Variants in NLRP4 observed in about 807,000 individuals in gnomAD.
The protein encoded by NLRP4 is NLR family pyrin domain containing 4.
A neutral mutation model predicts 84.7 loss-of-function variants in NLRP4; 44 were observed. The ratio of observed to expected loss-of-function variants is 0.52; its 90% confidence interval spans 0.41 to 0.67. The LOEUF (loss-of-function observed/expected upper bound fraction) is 0.67. Among genes scored for constraint, NLRP4 ranks in the 30% least tolerant of loss-of-function variants. NLRP4 has a pLI of 0.00. For synonymous variants in NLRP4, 544 were observed against 476.4 expected (o/e 1.14, Z -1.85); for missense variants, 1,260 against 1,219.4 (o/e 1.03, Z -0.50).
At chr19:55,873,976 T>G (rs745786002) in intron 7 of NLRP4, among the ~76,000 whole-genome samples, 46 of 152,092 alleles carry the variant, frequency 3.0e-4, no homozygotes, top group Non-Finnish European at 6.2e-4. Flanking sequence ...TAAGGATTTT[T>G]TTAATGGTAA....
chr19:55,867,621 T>C (rs1482558260), intron 5 of NLRP4, 88 bp from the exon 6 acceptor site: 9 of 1,213,166 alleles, frequency 7.4e-6, no homozygotes, highest in Non-Finnish European at 9.5e-6. Context: ...ACAGCAAATG[T>C]GGGCTTCCCG....
At position 55,858,505 on chromosome 19, in the gene NLRP4, T is replaced by C; in HGVS notation, c.1112T>C (p.Val371Ala). 6.2e-7 allele frequency: 1 copy of C among 1,614,144 alleles called. No individual in the cohort carries two copies. The highest frequency in any genetic ancestry group is 8.5e-7 in the Non-Finnish European group (1 of 1,180,030). ...LALTCQSTTS[V>A]YSSFVFNLFT... ...CTGACCTGCCAGAGCACTACCTCTG[T>C]GTACTCCTCTTTCGTCTTTAACCTG... The change falls in exon 3 of 10, where the codon GTG (valine) becomes GCG (alanine). Residue 371 changes from valine (V) to alanine (A), a missense_variant. By Grantham distance (64) the Val-to-Ala change is moderately conservative. Transcript: ENST00000301295. The surrounding 1 kb of genome is among the most constrained non-coding windows in gnomAD (Gnocchi z 4.2).
At chr19:55,847,303 T>C (rs73622427) in intron 1 of NLRP4, among the ~76,000 whole-genome samples, 1,861 of 152,298 alleles carry the variant, frequency 0.012, 35 homozygotes, top group African/African-American at 0.042. Flanking sequence ...ACTTTGCTAC[T>C]GTTGGCTTTT....
chr19:55,867,359 T>C (rs1984998170), intron 5 of NLRP4, among the ~76,000 whole-genome samples: 1 of 143,300 alleles, frequency 7.0e-6, no homozygotes, highest in African/African-American at 2.6e-5. Flanking sequence ...CCCTAGAGAC[T>C]GTAAGCCAAG....
intron 7 of NLRP4, among the ~76,000 whole-genome samples, chr19:55,873,027 G>T (rs1338261871): frequency 1.3e-5 from 2 of 152,122 alleles, no homozygotes; most frequent in Non-Finnish European, 1.5e-5. Context: ...AGACGGGAGG[G>T]TGGATTGTCA....
intron 5 of NLRP4, among the ~76,000 whole-genome samples, chr19:55,866,787 G>A (rs1311909328): frequency 6.6e-6 from 1 of 152,198 alleles, no homozygotes; most frequent in Non-Finnish European, 1.5e-5. Flanking sequence ...ACACGAGTTT[G>A]GGGAGGATCA....
At chr19:55,875,333 T>C (rs1435371823) in intron 7 of NLRP4, among the ~76,000 whole-genome samples, 5 of 152,090 alleles carry the variant, frequency 3.3e-5, no homozygotes, top group Non-Finnish European at 7.4e-5. Context: ...TCCAAGAAAA[T>C]CTGTAGCTAA....
At position 55,858,518 on chromosome 19, in the gene NLRP4, C is replaced by T. The variant is rs373243158; in HGVS notation, c.1125C>T (p.Phe375=). The change falls in exon 3 of 10, where the codon TTC becomes TTT. Residue 375 remains phenylalanine (F), a synonymous_variant. Transcript: ENST00000301295. The surrounding 1 kb of genome is among the most constrained non-coding windows in gnomAD (Gnocchi z 4.2). ...CQSTTSVYSS[F]VFNLFTPEGA... is the part of the protein sequence containing the mutation. ...GCACTACCTCTGTGTACTCCTCTTTCGTCTTTAACCTGTTCACACCTGAGG... is the reference window on the plus strand; with the variant it reads ...GCACTACCTCTGTGTACTCCTCTTTTGTCTTTAACCTGTTCACACCTGAGG... The T allele has an allele frequency of 6.1e-5, 99 of 1,614,056 alleles. No individual in the cohort carries two copies. The highest frequency in any genetic ancestry group is 7.6e-5 in the Non-Finnish European group (90 of 1,180,040).
Position 55,858,560 on chromosome 19 carries a change from T to TCCGCAAACC in NLRP4, c.1169_1177dup (p.Pro390_Thr392dup). 1 of 1,614,160 alleles carries TCCGCAAACC rather than the reference T, an allele frequency of 6.2e-7. No homozygotes were observed. Among genetic ancestry groups the TCCGCAAACC allele is most frequent in the Non-Finnish European group, 8.5e-7 (1 of 1,180,010 alleles). On this transcript the variant is annotated inframe_insertion, in exon 3 of 10. Coordinates refer to ENST00000301295, the MANE Select transcript of NLRP4 (RefSeq NM_134444.5). The surrounding 1 kb of genome is among the most constrained non-coding windows in gnomAD (Gnocchi z 4.2). ...CACCTGAGGGTGCCGAGGGCCCGAC[T>TCCGCAAACC]CCGCAAACCCAGCACCAGCTGAAGG...
rs76828067 is a variant in NLRP4 at position 55,843,720 on chromosome 19, T to C, written c.-66+6786T>C. The stretch of plus-strand genomic sequence containing the variant: ...AAAAAAATTATAAAAAGAAACATCC[T>C]AGTAGCAATCTTATATTAGGTTGGT... On this transcript the variant is annotated intron_variant, in intron 1 of 9. Coordinates refer to ENST00000301295, the MANE Select transcript of NLRP4 (RefSeq NM_134444.5). Among the ~76,000 whole-genome samples the C allele has an allele frequency of 9.4e-4, 143 of 152,088 alleles. 3 individuals are homozygous for C. In the East Asian group the frequency reaches 0.024, roughly 25 times the overall value.
chr19:55,848,666 T>G (rs1420569715), intron 1 of NLRP4, among the ~76,000 whole-genome samples: 1 of 152,134 alleles, frequency 6.6e-6, no homozygotes, highest in African/African-American at 2.4e-5. Flanking sequence ...CTTCCCAAAG[T>G]GCTAGGATTA....
At chr19:55,851,098 C>T (rs1277134299) in intron 1 of NLRP4, among the ~76,000 whole-genome samples, 9 of 121,808 alleles carry the variant, frequency 7.4e-5, no homozygotes, top group Non-Finnish European at 1.1e-4. Flanking sequence ...TCCGTGGCTG[C>T]GGTGTAATGT....
In NLRP4 at chr19:55,858,430, T is replaced by A. The variant is rs111236233; in HGVS notation, c.1037T>A (p.Ile346Asn). 6.2e-7 allele frequency: 1 copy of A among 1,614,102 alleles called. No individual in the cohort carries two copies. Among genetic ancestry groups the A allele is most frequent in the African/African-American group, 1.3e-5 (1 of 75,038 alleles). The change falls in exon 3 of 10, where the codon ATC becomes AAC. Residue 346 changes from isoleucine (I) to asparagine (N), a missense_variant. Around this residue, in one of 3 missense-constraint regions of NLRP4, gnomAD observed 712 missense variants for 669.2 expected, o/e 1.06. Coordinates refer to ENST00000301295, the MANE Select transcript of NLRP4 (RefSeq NM_134444.5). The surrounding 1 kb of genome is among the most constrained non-coding windows in gnomAD (Gnocchi z 4.2). ...TGCCAAATCCCGCTCCTCTGCTGGA[T>A]CCTGTGTACCAGTCTGAAGCAAGAG... is the stretch of plus-strand genomic sequence containing the variant. ...SICQIPLLCWILCTSLKQEMQ... is the reference protein window; with the variant it reads ...SICQIPLLCWNLCTSLKQEMQ...
chr19:55,859,246 C>T lies in NLRP4; in HGVS notation c.1853C>T (p.Ser618Phe). The T allele has an allele frequency of 6.3e-7, 1 of 1,590,848 alleles. No individual in the cohort carries two copies. Residue 618 changes from serine to phenylalanine, a missense_variant, in exon 3 of 10, where the codon TCT becomes TTT. Physicochemically the swap from Ser to Phe is radical, Grantham distance 155. This residue lies in a region of NLRP4 where 544 missense variants were observed against 531.7 expected (regional missense o/e 1.02). Transcript: ENST00000301295. ...NVFKKEDEHS[S>F]TSDYSLICWH... is the part of the protein sequence containing the mutation. ...TTTAAGAAAGAGGATGAACACAGCT[C>T]TACGTGAGTCCATCCTATGACTTTT...
intron 7 of NLRP4, among the ~76,000 whole-genome samples, chr19:55,872,391 A>C (rs1030250890): frequency 2.6e-5 from 4 of 152,152 alleles, no homozygotes; most frequent in African/African-American, 9.7e-5. Context: ...AACCCAACCC[A>C]CAAGGAAATA....
At position 55,881,673 on chromosome 19, in the gene NLRP4, A is replaced by G; in HGVS notation, c.*86A>G. 1.5e-6 allele frequency: 1 copy of G among 666,816 alleles called. No individual in the cohort carries two copies. The highest frequency in any genetic ancestry group is 1.9e-5 in the South Asian group (1 of 52,286). The allele number at this position is 666,816 out of a possible 1,614,324, so 41.3% of individuals were successfully genotyped here. A position where few individuals can be genotyped will look rare whatever the true frequency, so the allele number is the denominator to read the frequency against. On this transcript the variant is annotated 3_prime_UTR_variant, in exon 10 of 10. Coordinates refer to ENST00000301295, the MANE Select transcript of NLRP4 (RefSeq NM_134444.5). ...TTACATGACACTGCACCCAGGAGAT[A>G]CAAATCATTGATACTCTGAGTTGTG... is the stretch of plus-strand genomic sequence containing the variant.
At position 55,857,868 on chromosome 19, in the gene NLRP4, A is replaced by AT; in HGVS notation, c.477dup (p.Gly160TrpfsTer22). On this transcript the variant is annotated frameshift_variant, in exon 3 of 10. Transcript: ENST00000301295. LOFTEE classifies it high-confidence loss of function. ...AGTGATCATTCAAGGACCACAAGGAATTGGAAAAACGACACTCCTGATGAA... is the reference window on the plus strand; with the variant it reads ...AGTGATCATTCAAGGACCACAAGGAATTTGGAAAAACGACACTCCTGATGAA... The AT allele has an allele frequency of 1.2e-6, 2 of 1,613,984 alleles. No individual in the cohort carries two copies. The highest frequency in any genetic ancestry group is 1.7e-6 in the Non-Finnish European group (2 of 1,179,898).
At position 55,862,262 on chromosome 19, in the gene NLRP4, G is replaced by A; in HGVS notation, c.2186+103G>A. On this transcript the variant is annotated intron_variant, in intron 5 of 9. Coordinates refer to ENST00000301295, the MANE Select transcript of NLRP4 (RefSeq NM_134444.5). ...TGATTAGGTTTCAGAGAAAACTATA[G>A]CATAAGTCTCCGTTTATTGAGACCA... 1.3e-5 allele frequency: 7 copies of A among 548,668 alleles called. No homozygotes were observed. In the South Asian group the frequency reaches 2.1e-4, roughly 16 times the overall value. 34.0% of individuals were successfully genotyped at this position (548,668 alleles called of 1,614,324 possible). A position where few individuals can be genotyped will look rare whatever the true frequency, so the allele number is the denominator to read the frequency against.
intron 1 of NLRP4, among the ~76,000 whole-genome samples, chr19:55,849,883 AATTTCCGTGGCCGGCGGTGTAATTT>A (rs1983961500): frequency 3.6e-5 from 1 of 27,822 alleles, no homozygotes; most frequent in African/African-American, 1.8e-4. Flanking sequence ...GCCGCGGTGT[AATTTCCGTGGCCGGCGGTGTAATTT>A]CCGTAGCCGC....
Sources: gnomAD v4.1 joint callset for allele counts (sites outside exome capture counted in the v4.1 genomes callset) on GRCh38, gnomAD v4.1.1 for gene constraint, gnomAD v4.1.1 regional missense constraint, Gnocchi (gnomAD v3.1) non-coding constraint, MANE v1.5 for transcripts, NCBI Gene and HGNC (gene_info 2026-07-23, HGNC 2026-07-21) for gene names.